Variants in MDFIC2 observed in about 807,000 individuals in gnomAD.
The protein encoded by MDFIC2 is MyoD family inhibitor domain containing 2, also known as myoD family inhibitor domain-containing protein 2.
intron 3 of MDFIC2, among the ~76,000 whole-genome samples, chr3:70,200,164 G>A (rs867212409): frequency 2.6e-5 from 4 of 152,142 alleles, no homozygotes; most frequent in Non-Finnish European, 5.9e-5. Context: ...CACCATTTTA[G>A]CTCTGGCCAC....
chr3:70,279,315 T>A (rs188389636), intron 2 of MDFIC2, among the ~76,000 whole-genome samples: 1 of 151,958 alleles, frequency 6.6e-6, no homozygotes, highest in Non-Finnish European at 1.5e-5. Flanking sequence ...CTTGAACACA[T>A]ATGGAGTGGG....
At chr3:70,225,690 T>C (rs1444750149) in intron 2 of MDFIC2, among the ~76,000 whole-genome samples, 1 of 152,232 alleles carries the variant, frequency 6.6e-6, no homozygotes, top group African/African-American at 2.4e-5. Context: ...GTTTAGTGTT[T>C]CTTGAACACC....
chr3:70,220,826 C>A (rs535717530), intron 2 of MDFIC2, among the ~76,000 whole-genome samples: 2 of 152,260 alleles, frequency 1.3e-5, no homozygotes, highest in East Asian at 3.9e-4. Context: ...AAGGTCATTT[C>A]CTTTTTTGTG....
At chr3:70,265,878 A>T (rs1701912386) in intron 2 of MDFIC2, among the ~76,000 whole-genome samples, 1 of 152,148 alleles carries the variant, frequency 6.6e-6, no homozygotes, top group Admixed American at 6.5e-5. Flanking sequence ...AGATCTCATG[A>T]GACTCACTCC....
At position 70,260,303 on chromosome 3, in the gene MDFIC2, G is replaced by A. The variant is rs150121448; in HGVS notation, c.88+51583C>T. Among the ~76,000 whole-genome samples the A allele has an allele frequency of 1.5e-3, 231 of 152,064 alleles. 2 individuals are homozygous for A. Among genetic ancestry groups the A allele is most frequent in the South Asian group, 6.4e-3 (31 of 4,808 alleles). Reference sequence around the variant, plus strand: ...CTGTGTGTGTCTGTGTCTTCCCATCGCCACTTCTTATAAGGATGCCAGTCA... The same window carrying A: ...CTGTGTGTGTCTGTGTCTTCCCATCACCACTTCTTATAAGGATGCCAGTCA... On this transcript the variant is annotated intron_variant, in intron 2 of 3. Coordinates refer to ENST00000567252, the MANE Select transcript of MDFIC2 (RefSeq NM_001364677.1).
At chr3:70,230,195 C>T (rs1419551413) in intron 2 of MDFIC2, among the ~76,000 whole-genome samples, 1 of 152,136 alleles carries the variant, frequency 6.6e-6, no homozygotes, top group Non-Finnish European at 1.5e-5. Context: ...AGCACATTGT[C>T]TCTTACTGGT....
intron 2 of MDFIC2, among the ~76,000 whole-genome samples, chr3:70,211,560 TGCCCTTCCCTTCCCTTC>T (rs2106729101): frequency 3.8e-5 from 1 of 26,074 alleles, no homozygotes; most frequent in East Asian, 2.5e-3. Context: ...CCCTTCCCTT[TGCCCTTCCCTTCCCTTC>T]CCTTCCTTTC....
At chr3:70,272,226 A>G (rs943599548) in intron 2 of MDFIC2, 1 of 152,240 alleles carries the variant, frequency 6.6e-6, no homozygotes, top group African/African-American at 2.4e-5. Flanking sequence ...CACCATCACA[A>G]TTAAAATGAA....
chr3:70,245,288 A>AAATTACTTTTG (rs1432899489), intron 2 of MDFIC2, among the ~76,000 whole-genome samples: 2 of 152,106 alleles, frequency 1.3e-5, no homozygotes, highest in Non-Finnish European at 2.9e-5. Flanking sequence ...TGGTGATATA[A>AAATTACTTTTG]AATTACTTTT....
chr3:70,246,624 C>T (rs140125992), intron 2 of MDFIC2, among the ~76,000 whole-genome samples: 142 of 152,042 alleles, frequency 9.3e-4, no homozygotes, highest in Non-Finnish European at 5.3e-4. Flanking sequence ...ATAACTGAAA[C>T]GTATTTAAGG....
intron 2 of MDFIC2, among the ~76,000 whole-genome samples, chr3:70,233,010 G>A (rs1021677346): frequency 2.6e-5 from 4 of 152,162 alleles, no homozygotes; most frequent in Admixed American, 2.6e-4. Flanking sequence ...TTATCATGGT[G>A]AAATACAGTC....
At chr3:70,295,632 C>T (rs978285710) in intron 2 of MDFIC2, among the ~76,000 whole-genome samples, 3 of 152,230 alleles carry the variant, frequency 2.0e-5, no homozygotes, top group Non-Finnish European at 2.9e-5. Context: ...GTTGAGCCTG[C>T]AGTGAGCTGT....
At chr3:70,311,174 C>T (rs1702450519) in intron 2 of MDFIC2, among the ~76,000 whole-genome samples, 1 of 152,098 alleles carries the variant, frequency 6.6e-6, no homozygotes, top group African/African-American at 2.4e-5. Flanking sequence ...TGTCCTTTTA[C>T]AATATAATAG....
intron 2 of MDFIC2, among the ~76,000 whole-genome samples, chr3:70,302,046 T>C (rs1480797392): frequency 6.6e-6 from 1 of 152,120 alleles, no homozygotes; most frequent in Non-Finnish European, 1.5e-5. Flanking sequence ...AAGAATTGCC[T>C]GATGTCTTAT....
At chr3:70,300,641 C>T (rs1702338024) in intron 2 of MDFIC2, among the ~76,000 whole-genome samples, 2 of 152,000 alleles carry the variant, frequency 1.3e-5, no homozygotes, top group African/African-American at 2.4e-5. Context: ...CTAGTTATTT[C>T]TCCCAGTTGT....
chr3:70,278,493 AT>A (rs907289919), intron 2 of MDFIC2, among the ~76,000 whole-genome samples: 25 of 152,316 alleles, frequency 1.6e-4, no homozygotes, highest in Middle Eastern at 3.4e-3. Context: ...GTTTTCCAGA[AT>A]GGTCCCAATT....
chr3:70,207,033 C>CTT lies in MDFIC2; in HGVS notation c.89-245_89-244dup, dbSNP rs11317960. ...TGGTAATTTGTAACACTTATTTCTACTTTTTTTTTTTTTTTTGGTAATAAG... is the reference window on the plus strand; with the variant it reads ...TGGTAATTTGTAACACTTATTTCTACTTTTTTTTTTTTTTTTTTGGTAATAAG... On this transcript the variant is annotated intron_variant, in intron 2 of 3. Coordinates refer to ENST00000567252, the MANE Select transcript of MDFIC2 (RefSeq NM_001364677.1). Among the ~76,000 whole-genome samples the CTT allele has an allele frequency of 1.0e-4, 14 of 139,658 alleles. No individual in the cohort carries two copies. The East Asian group carries it at 1.0e-3, about 10-fold the overall frequency. 91.6% of individuals were successfully genotyped at this position (139,658 alleles called of 152,430 possible).
intron 2 of MDFIC2, among the ~76,000 whole-genome samples, chr3:70,286,996 T>A (rs1248092783): frequency 6.7e-6 from 1 of 149,746 alleles, no homozygotes; most frequent in Non-Finnish European, 1.5e-5. Flanking sequence ...AATCATGTCG[T>A]CTGCAAACAG....
intron 2 of MDFIC2, among the ~76,000 whole-genome samples, chr3:70,290,675 A>G (rs1031433989): frequency 6.6e-6 from 1 of 152,054 alleles, no homozygotes; most frequent in Non-Finnish European, 1.5e-5. Flanking sequence ...GCCGCCTTGC[A>G]GTTTGATCTC....
Sources: gnomAD v4.1 joint callset for allele counts (sites outside exome capture counted in the v4.1 genomes callset) on GRCh38, gnomAD v4.1.1 for gene constraint, MANE v1.5 for transcripts, NCBI Gene and HGNC (gene_info 2026-07-23, HGNC 2026-07-21) for gene names.